The following WARS2 variants were observed in gnomAD, a reference collection of about 807,000 sequenced individuals.
The protein encoded by WARS2 is tryptophan--tRNA ligase, mitochondrial.
In WARS2, 28 loss-of-function variants were observed where a neutral mutation model predicts 36.5. That is an observed-to-expected ratio of 0.77 (90% CI 0.57 to 1.05). The LOEUF (loss-of-function observed/expected upper bound fraction) is 1.05. Among genes scored for constraint, WARS2 ranks in the 50% least tolerant of loss-of-function variants. The probability of loss-of-function intolerance (pLI) is 0.00; values close to 1 mark genes in which losing one functional copy is unlikely to be tolerated. For synonymous variants in WARS2, 174 were observed against 178.4 expected (o/e 0.98, Z 0.20); for missense variants, 435 against 456.8 (o/e 0.95, Z 0.44).
At chr1:119,083,468 T>C (rs983369054) in intron 1 of WARS2, among the ~76,000 whole-genome samples, 1 of 152,200 alleles carries the variant, frequency 6.6e-6, no homozygotes, top group Admixed American at 6.5e-5. Context: ...TTACCCAGTC[T>C]GTAGTATTTT....
intron 2 of WARS2, among the ~76,000 whole-genome samples, chr1:119,048,873 G>A (rs1048833078): frequency 3.9e-5 from 6 of 152,078 alleles, no homozygotes; most frequent in Non-Finnish European, 7.4e-5. Context: ...AGACCAGCCT[G>A]GCCAATATGG....
chr1:119,066,259 C>T (rs1276389801), intron 2 of WARS2, among the ~76,000 whole-genome samples: 5 of 152,086 alleles, frequency 3.3e-5, no homozygotes, highest in East Asian at 1.9e-4. Context: ...GGGCGGATCA[C>T]AAGGTCAGGA....
intron 2 of WARS2, among the ~76,000 whole-genome samples, chr1:119,073,245 T>C (rs952035476): frequency 7.2e-5 from 11 of 152,074 alleles, no homozygotes; most frequent in Admixed American, 6.5e-4. Context: ...TACTACTCTC[T>C]CTATTGTTAT....
chr1:119,135,007 AAAAG>A (rs1298385287), intron 1 of WARS2, among the ~76,000 whole-genome samples: 1 of 152,234 alleles, frequency 6.6e-6, no homozygotes, highest in African/African-American at 2.4e-5. Flanking sequence ...TAAGCTGTAA[AAAAG>A]AAAGAAGGCA....
chr1:119,130,603 A>G (rs1033268692), intron 1 of WARS2, among the ~76,000 whole-genome samples: 2 of 152,242 alleles, frequency 1.3e-5, no homozygotes, highest in Non-Finnish European at 2.9e-5. Flanking sequence ...ACATTACACA[A>G]CTTTTGTAAT....
At chr1:119,041,269 G>T (rs1254050155) in intron 4 of WARS2, among the ~76,000 whole-genome samples, 2 of 152,208 alleles carry the variant, frequency 1.3e-5, no homozygotes, top group African/African-American at 4.8e-5. Context: ...CAGTAGCATG[G>T]CCCTAAGCAC....
intron 1 of WARS2, among the ~76,000 whole-genome samples, chr1:119,131,685 TCTC>T (rs990199146): frequency 6.6e-6 from 1 of 151,978 alleles, no homozygotes; most frequent in Non-Finnish European, 1.5e-5. Context: ...ATGGTCTTGA[TCTC>T]CTGACCTCGT....
chr1:119,048,060 A>G (rs1649007813), intron 2 of WARS2, among the ~76,000 whole-genome samples: 1 of 152,244 alleles, frequency 6.6e-6, no homozygotes. Flanking sequence ...CTGTAAAAAG[A>G]ATGGGACCAT....
At chr1:119,097,270 C>T (rs906581317) in intron 1 of WARS2, among the ~76,000 whole-genome samples, 4 of 152,244 alleles carry the variant, frequency 2.6e-5, no homozygotes, top group East Asian at 1.9e-4. Context: ...GCCCAATTAC[C>T]GATCAGATGT....
chr1:119,048,793 C>T (rs1306225723), intron 2 of WARS2, among the ~76,000 whole-genome samples: 1 of 144,290 alleles, frequency 6.9e-6, no homozygotes, highest in African/African-American at 2.7e-5. Flanking sequence ...CGGCCAGGCG[C>T]GGTGGCTCAC....
chr1:119,034,336 C>G, intron 4 of WARS2, 123 bp from the exon 5 acceptor site: 1 of 781,656 alleles, frequency 1.3e-6, no homozygotes, highest in South Asian at 1.6e-5. Flanking sequence ...TGTTCACCAA[C>G]TATAGAGGGA....
chr1:119,103,657 T>C lies in WARS2; in HGVS notation c.91-27050A>G, dbSNP rs984565425. ...TTAAAAAATTGTCAAATAATTCTGG[T>C]AACAAGTCAAATAACATAGAACTAT... On this transcript the variant is annotated intron_variant, in intron 1 of 5. Coordinates refer to ENST00000235521, the MANE Select transcript of WARS2 (RefSeq NM_015836.4). 7.9e-5 allele frequency among the ~76,000 whole-genome samples: 12 copies of C among 151,828 alleles called. No individual in the cohort carries two copies. The Admixed American group carries it at 7.9e-4, about 10-fold the overall frequency.
chr1:119,076,308 C>A, intron 2 of WARS2, 42 bp downstream of exon 2: 1 of 1,599,438 alleles, frequency 6.3e-7, no homozygotes, highest in Non-Finnish European at 8.5e-7. Flanking sequence ...CTCAAATAAT[C>A]TACACATAAG....
At chr1:119,132,256 A>T (rs1368079096) in intron 1 of WARS2, among the ~76,000 whole-genome samples, 1 of 152,146 alleles carries the variant, frequency 6.6e-6, no homozygotes, top group Non-Finnish European at 1.5e-5. Context: ...CCTCTTAATG[A>T]AGAGCCAGTC....
intron 1 of WARS2, among the ~76,000 whole-genome samples, chr1:119,101,364 T>C (rs907220770): frequency 6.6e-6 from 1 of 152,172 alleles, no homozygotes; most frequent in Non-Finnish European, 1.5e-5. Flanking sequence ...TTACTTTTTA[T>C]GAAGGATAGT....
chr1:119,041,773 G>A (rs2765530), intron 4 of WARS2, among the ~76,000 whole-genome samples: 44,732 of 151,952 alleles, frequency 0.29, 7,224 homozygotes, highest in African/African-American at 0.43. Context: ...AGTTTAATCA[G>A]GCATTACTGG....
chr1:119,101,629 C>CACTTATCACATCTAACACAGGATTCCTGA (rs1653870643), intron 1 of WARS2, among the ~76,000 whole-genome samples: 2 of 152,130 alleles, frequency 1.3e-5, no homozygotes, highest in Admixed American at 1.3e-4. Flanking sequence ...TCTTGGTGTT[C>CACTTATCACATCTAACACAGGATTCCTGA]ACTTATCACA....
chr1:119,134,755 A>C (rs1358245121), intron 1 of WARS2, among the ~76,000 whole-genome samples: 6 of 152,254 alleles, frequency 3.9e-5, no homozygotes, highest in African/African-American at 1.4e-4. Flanking sequence ...GTGGCTGAGC[A>C]GCTTCTACCC....
chr1:119,088,286 T>A (rs1652812094), intron 1 of WARS2, among the ~76,000 whole-genome samples: 1 of 152,122 alleles, frequency 6.6e-6, no homozygotes, highest in Non-Finnish European at 1.5e-5. Flanking sequence ...AGATTCTGAT[T>A]TAATCAGTCT....
Sources: allele counts gnomAD v4.1 joint callset (sites outside exome capture counted in the v4.1 genomes callset), GRCh38; gene constraint gnomAD v4.1.1; transcripts MANE v1.5; gene names NCBI Gene and HGNC (gene_info 2026-07-23, HGNC 2026-07-21).